THEM4: variants seen among roughly 807,000 people sequenced by gnomAD.
THEM4 encodes thioesterase superfamily member 4.
A neutral mutation model predicts 25.0 loss-of-function variants in THEM4; 22 were observed. That is an observed-to-expected ratio of 0.88 (90% CI 0.63 to 1.26). The LOEUF is 1.26. Ranked by LOEUF, THEM4 falls within the 50% of genes most tolerant of loss-of-function variation. THEM4 has a pLI of 0.00. For missense variants in THEM4, 286 were observed against 300.3 expected (o/e 0.95, Z 0.35); for synonymous variants, 113 against 105.6 (o/e 1.07, Z -0.43).
intron 1 of THEM4, among the ~76,000 whole-genome samples, chr1:151,896,828 T>A (rs1249379727): frequency 6.6e-6 from 1 of 151,896 alleles, no homozygotes; most frequent in East Asian, 1.9e-4. Flanking sequence ...ACAATTTGGA[T>A]AAGGAGGGTA....
intron 2 of THEM4, among the ~76,000 whole-genome samples, chr1:151,891,775 T>C (rs1366045227): frequency 1.3e-5 from 2 of 152,090 alleles, no homozygotes; most frequent in Admixed American, 1.3e-4. Context: ...GCACATAAAC[T>C]GAGGAGCCAC....
intron 4 of THEM4, 79 bp from the exon 5 acceptor site, chr1:151,877,204 C>T (rs1232173035): frequency 1.4e-6 from 2 of 1,434,950 alleles, no homozygotes; most frequent in African/African-American, 2.9e-5. Flanking sequence ...AAGTACATGA[C>T]AAGGGATAGA....
chr1:151,882,594 T>G (rs1207761950), intron 4 of THEM4, among the ~76,000 whole-genome samples: 1 of 152,202 alleles, frequency 6.6e-6, no homozygotes, highest in African/African-American at 2.4e-5. Context: ...AAAGTTCTAC[T>G]TCCCATTTTG....
intron 3 of THEM4, 132 bp from the exon 4 acceptor site, chr1:151,888,515 G>T: frequency 1.7e-6 from 1 of 602,764 alleles, no homozygotes; most frequent in Non-Finnish European, 2.9e-6. Flanking sequence ...CATGTTCAGT[G>T]TACTGAATGC....
intron 4 of THEM4, among the ~76,000 whole-genome samples, chr1:151,884,634 C>T (rs1382247589): frequency 1.3e-5 from 2 of 151,954 alleles, no homozygotes; most frequent in Non-Finnish European, 2.9e-5. Flanking sequence ...TTAACCTATT[C>T]ACTGAGGTAT....
intron 2 of THEM4, among the ~76,000 whole-genome samples, chr1:151,894,455 T>C (rs1319366494): frequency 6.6e-6 from 1 of 151,502 alleles, no homozygotes. Flanking sequence ...AAATTAGGGG[T>C]GGGGAGGGGA....
chr1:151,893,702 T>A (rs1176762845), intron 2 of THEM4, among the ~76,000 whole-genome samples: 2 of 151,820 alleles, frequency 1.3e-5, no homozygotes, highest in African/African-American at 4.8e-5. Context: ...CTTAGTGAGA[T>A]AGGAAGCGAG....
At chr1:151,907,265 G>A (rs1043208394) in intron 1 of THEM4, among the ~76,000 whole-genome samples, 8 of 152,128 alleles carry the variant, frequency 5.3e-5, no homozygotes, top group South Asian at 4.1e-4. Flanking sequence ...GAACACATCC[G>A]AACATCAGAA....
At chr1:151,893,164 G>C (rs1357564646) in intron 2 of THEM4, among the ~76,000 whole-genome samples, 1 of 151,986 alleles carries the variant, frequency 6.6e-6, no homozygotes, top group East Asian at 1.9e-4. Flanking sequence ...TTGAATTTAG[G>C]AGTTCGAGAC....
intron 1 of THEM4, among the ~76,000 whole-genome samples, chr1:151,906,951 C>A (rs752456068): frequency 2.6e-5 from 4 of 152,188 alleles, no homozygotes; most frequent in Non-Finnish European, 4.4e-5. Flanking sequence ...TAAAAGCAGG[C>A]TGCCCAAGCC....
In THEM4 at chr1:151,872,430, AGAAAG is replaced by A. The variant is rs1422784278; in HGVS notation, c.*2453_*2457del. ...CAGCTTAAATTTCTAATATGGGGAA[AGAAAG>A]GAAAGAAATGGAAGCCCAAATAATC... On this transcript the variant is annotated 3_prime_UTR_variant, in exon 6 of 6. Transcript: ENST00000368814. Among the ~76,000 whole-genome samples the A allele has an allele frequency of 1.3e-5, 2 of 152,252 alleles. No individual in the cohort carries two copies. Among genetic ancestry groups the A allele is most frequent in the African/African-American group, 4.8e-5 (2 of 41,466 alleles).
intron 4 of THEM4, among the ~76,000 whole-genome samples, chr1:151,879,293 A>G (rs2101716411): frequency 6.6e-6 from 1 of 152,332 alleles, no homozygotes; most frequent in African/African-American, 2.4e-5. Context: ...CTCACTGACC[A>G]GGATAACCAC....
In THEM4 at chr1:151,870,965, A is replaced by C. The variant is rs189893454; in HGVS notation, c.*3923T>G. Among the ~76,000 whole-genome samples the C allele has an allele frequency of 4.3e-3, 662 of 152,328 alleles. 14 individuals carry two copies. The highest frequency in any genetic ancestry group is 1.3e-3 in the Non-Finnish European group (88 of 68,030). On this transcript the variant is annotated 3_prime_UTR_variant, in exon 6 of 6. Transcript: ENST00000368814. ...CTAATTATGTTTACACTGATAGTTT[A>C]AAGATATTTTAGCACTAACCAGCAT...
chr1:151,909,207 G>C lies in THEM4; in HGVS notation c.99+153C>G, dbSNP rs73005928. Among the ~76,000 whole-genome samples, 1,357 of 152,310 alleles carry C rather than the reference G, an allele frequency of 8.9e-3. 30 individuals are homozygous for C. The highest frequency in any genetic ancestry group is 0.031 in the African/African-American group (1,305 of 41,564). On this transcript the variant is annotated intron_variant, in intron 1 of 5. Coordinates refer to ENST00000368814, the MANE Select transcript of THEM4 (RefSeq NM_053055.5). ...TTTGAATCTCAGGACTGTATTCCTA[G>C]GCCCCTGTTGCTTATGCTGCCCTGT...
intron 4 of THEM4, among the ~76,000 whole-genome samples, chr1:151,878,430 G>A (rs1653735367): frequency 6.6e-6 from 1 of 152,252 alleles, no homozygotes; most frequent in Admixed American, 6.5e-5. Flanking sequence ...GGCTGGCCTG[G>A]CTGGTGGCCA....
chr1:151,886,187 C>T (rs542890483), intron 4 of THEM4, among the ~76,000 whole-genome samples: 45 of 152,312 alleles, frequency 3.0e-4, no homozygotes, highest in African/African-American at 1.0e-3. Flanking sequence ...TGCTCTCTAT[C>T]CATATGACTT....
intron 2 of THEM4, 100 bp downstream of exon 2, chr1:151,894,908 T>C (rs1203183645): frequency 7.7e-7 from 1 of 1,304,446 alleles, no homozygotes; most frequent in Non-Finnish European, 1.1e-6. Flanking sequence ...AATCCTGCAT[T>C]ATATTCTTTC....
At chr1:151,889,857 G>A (rs61817692) in intron 2 of THEM4, 4,119 of 155,096 alleles carry the variant, frequency 0.027, 72 homozygotes, top group Non-Finnish European at 0.042. Flanking sequence ...CTGGCAGTGA[G>A]AACCATTAGG....
chr1:151,877,876 A>G (rs1002254239), intron 4 of THEM4, among the ~76,000 whole-genome samples: 1 of 152,206 alleles, frequency 6.6e-6, no homozygotes, highest in African/African-American at 2.4e-5. Context: ...GTGAAATTTC[A>G]GTTGGTTGAA....
Sources: allele counts gnomAD v4.1 joint callset (sites outside exome capture counted in the v4.1 genomes callset), GRCh38; gene constraint gnomAD v4.1.1; transcripts MANE v1.5; gene names NCBI Gene and HGNC (gene_info 2026-07-23, HGNC 2026-07-21).